Variants in EPB41L5 observed in about 807,000 individuals in gnomAD.
The protein encoded by EPB41L5 is band 4.1-like protein 5.
A neutral mutation model predicts 106.6 loss-of-function variants in EPB41L5; 55 were observed. The observed-to-expected ratio is 0.52, with a 90% CI of 0.42 to 0.65. The LOEUF (loss-of-function observed/expected upper bound fraction) is 0.65, where lower values mean the gene tolerates loss of function less well. Among genes scored for constraint, EPB41L5 ranks in the 30% least tolerant of loss-of-function variants. The pLI is 0.00. For missense variants in EPB41L5, 871 were observed against 882.1 expected, an observed-to-expected ratio of 0.99 and a Z score of 0.16; for synonymous variants, 297 against 306.7, an observed-to-expected ratio of 0.97 and a Z score of 0.33.
intron 20 of EPB41L5, among the ~76,000 whole-genome samples, chr2:120,155,627 G>A (rs901826679): frequency 5.9e-5 from 9 of 151,768 alleles, no homozygotes; most frequent in South Asian, 2.1e-4. Flanking sequence ...CCTGTAATAC[G>A]TATATTAATA....
At position 120,093,243 on chromosome 2, in the gene EPB41L5, T is replaced by G. The variant is rs777289954; in HGVS notation, c.1151-6T>G. 19 of 1,613,016 alleles carry G rather than the reference T, an allele frequency of 1.2e-5. No homozygotes were observed. Among genetic ancestry groups the G allele is most frequent in the Non-Finnish European group, 1.4e-5 (17 of 1,179,104 alleles). On this transcript the variant is annotated splice_region_variant and splice_polypyrimidine_tract_variant and intron_variant, in intron 13 of 24. Coordinates refer to ENST00000263713, the MANE Select transcript of EPB41L5 (RefSeq NM_020909.4). ...TAATGAGGTGTTATCTTTTTTCTTC[T>G]GTTAGCATGTGCTACAAAACCTGAA...
chr2:120,104,047 C>G (rs1444943131), intron 16 of EPB41L5: 1 of 1,524,438 alleles, frequency 6.6e-7, no homozygotes, highest in East Asian at 2.5e-5. Context: ...CCTCCCACTC[C>G]CCAACCATCC....
At chr2:120,079,392 T>A (rs1271480156) in intron 10 of EPB41L5, among the ~76,000 whole-genome samples, 1 of 152,218 alleles carries the variant, frequency 6.6e-6, no homozygotes, top group African/African-American at 2.4e-5. Context: ...GCTGCCTTTC[T>A]GAATTCTCTG....
chr2:120,091,217 GAA>G (rs1444440054), intron 12 of EPB41L5, among the ~76,000 whole-genome samples: 1 of 152,164 alleles, frequency 6.6e-6, no homozygotes, highest in Non-Finnish European at 1.5e-5. Context: ...AAAAGTAACT[GAA>G]AATATTCTTT....
chr2:120,024,240 A>G (rs1295798685), intron 2 of EPB41L5, among the ~76,000 whole-genome samples: 1 of 152,160 alleles, frequency 6.6e-6, no homozygotes, highest in East Asian at 1.9e-4. Context: ...GAGAGAGGGC[A>G]TCCTTGTCTT....
chr2:120,124,981 A>T (rs1018121768), intron 16 of EPB41L5, among the ~76,000 whole-genome samples: 1 of 152,174 alleles, frequency 6.6e-6, no homozygotes, highest in Non-Finnish European at 1.5e-5. Context: ...TCATTTTAAG[A>T]CCGAATGGAT....
At chr2:120,126,174 T>C (rs910606733) in intron 16 of EPB41L5, among the ~76,000 whole-genome samples, 2 of 152,172 alleles carry the variant, frequency 1.3e-5, no homozygotes, top group African/African-American at 4.8e-5. Flanking sequence ...TATACTAATA[T>C]ATATACAGAG....
intron 1 of EPB41L5, among the ~76,000 whole-genome samples, chr2:120,014,863 C>A (rs1677403179): frequency 6.6e-6 from 1 of 151,504 alleles, no homozygotes; most frequent in Non-Finnish European, 1.5e-5. Context: ...GAACAGGGAT[C>A]AGATTTGTGG....
At chr2:120,124,608 T>C (rs1315746456) in intron 16 of EPB41L5, among the ~76,000 whole-genome samples, 1 of 152,202 alleles carries the variant, frequency 6.6e-6, no homozygotes, top group Non-Finnish European at 1.5e-5. Context: ...ACTCTGAAAA[T>C]TTAACATTGA....
intron 18 of EPB41L5, among the ~76,000 whole-genome samples, chr2:120,134,116 C>G (rs1355585949): frequency 6.6e-6 from 1 of 151,932 alleles, no homozygotes; most frequent in Non-Finnish European, 1.5e-5. Context: ...TGTCATAGGC[C>G]TTGGGCAAGA....
chr2:120,075,122 C>T (rs576474854), intron 5 of EPB41L5, among the ~76,000 whole-genome samples: 35 of 152,288 alleles, frequency 2.3e-4, no homozygotes, highest in African/African-American at 8.2e-4. Context: ...GCCACTGCAC[C>T]AGGCCTTTAA....
intron 18 of EPB41L5, among the ~76,000 whole-genome samples, chr2:120,135,652 G>T (rs189261775): frequency 6.6e-6 from 1 of 152,288 alleles, no homozygotes; most frequent in Admixed American, 6.5e-5. Context: ...AGTCGAAGCA[G>T]ACTTTTCAGC....
At chr2:120,151,486 C>T (rs1230327957) in intron 20 of EPB41L5, among the ~76,000 whole-genome samples, 3 of 151,760 alleles carry the variant, frequency 2.0e-5, no homozygotes, top group African/African-American at 7.3e-5. Flanking sequence ...ACCTAGGAAA[C>T]AATTTAACCA....
chr2:120,095,918 T>G (rs1417820312), intron 14 of EPB41L5, among the ~76,000 whole-genome samples: 5 of 152,028 alleles, frequency 3.3e-5, no homozygotes, highest in African/African-American at 1.2e-4. Context: ...GATCCGCCTG[T>G]CTCGGCCTCC....
At chr2:120,171,662 G>A (rs971352012) in intron 24 of EPB41L5, among the ~76,000 whole-genome samples, 1 of 152,180 alleles carries the variant, frequency 6.6e-6, no homozygotes, top group Non-Finnish European at 1.5e-5. Context: ...CAACCAAAGA[G>A]AAAAAGGCCT....
At chr2:120,141,617 C>T (rs1377338472) in intron 18 of EPB41L5, among the ~76,000 whole-genome samples, 4 of 151,912 alleles carry the variant, frequency 2.6e-5, no homozygotes, top group African/African-American at 9.7e-5. Context: ...TTTTTCATTT[C>T]TGGATAGCAC....
chr2:120,162,167 GAC>G (rs1463261383), intron 21 of EPB41L5, among the ~76,000 whole-genome samples: 1 of 152,162 alleles, frequency 6.6e-6, no homozygotes, highest in Non-Finnish European at 1.5e-5. Context: ...TTTGTTGATT[GAC>G]ACAAACTTTT....
chr2:120,131,602 T>C lies in EPB41L5; in HGVS notation c.1502-16T>C. On this transcript the variant is annotated splice_polypyrimidine_tract_variant and intron_variant, in intron 17 of 24. Transcript: ENST00000263713. Reference sequence around the variant, plus strand: ...TGGCAGACTGGGGTTATTTTGCCTTTTTTTTTTCTTTTCAGCATTAAAAGA... The same window carrying C: ...TGGCAGACTGGGGTTATTTTGCCTTCTTTTTTTCTTTTCAGCATTAAAAGA... 6 of 1,602,448 alleles carry C rather than the reference T, an allele frequency of 3.7e-6. No individual in the cohort carries two copies. The highest frequency in any genetic ancestry group is 5.1e-6 in the Non-Finnish European group (6 of 1,171,634).
At chr2:120,101,125 C>T (rs1238397298) in intron 16 of EPB41L5, among the ~76,000 whole-genome samples, 2 of 152,144 alleles carry the variant, frequency 1.3e-5, no homozygotes, top group Non-Finnish European at 1.5e-5. Flanking sequence ...GGATGATTCT[C>T]TGCTGAAAAA....
Sources: gnomAD v4.1 joint callset for allele counts (sites outside exome capture counted in the v4.1 genomes callset) on GRCh38, gnomAD v4.1.1 for gene constraint, MANE v1.5 for transcripts, NCBI Gene and HGNC (gene_info 2026-07-23, HGNC 2026-07-21) for gene names.